The following VPS50 variants were observed in gnomAD, a reference collection of about 807,000 sequenced individuals.
VPS50 encodes the protein syndetin.
In VPS50, 70 loss-of-function variants were observed where a neutral mutation model predicts 139.7. The ratio of observed to expected loss-of-function variants is 0.50; its 90% CI spans 0.41 to 0.61. The LOEUF (loss-of-function observed/expected upper bound fraction) is 0.61. Among genes scored for constraint, VPS50 ranks in the 20% least tolerant of loss-of-function variants. VPS50 has a pLI of 0.00. For missense variants in VPS50, 921 were observed against 1,133.7 expected, an observed-to-expected ratio of 0.81 and a Z score of 2.69; for synonymous variants, 365 against 376.7, an observed-to-expected ratio of 0.97 and a Z score of 0.36.
intron 1 of VPS50, among the ~76,000 whole-genome samples, chr7:93,235,666 G>T (rs1794776749): frequency 6.6e-6 from 1 of 152,194 alleles, no homozygotes; most frequent in South Asian, 2.1e-4. Flanking sequence ...CCTAGCAATT[G>T]GAAGAATGTA....
intron 20 of VPS50, among the ~76,000 whole-genome samples, chr7:93,311,703 A>C (rs914718953): frequency 6.6e-6 from 1 of 152,074 alleles, no homozygotes; most frequent in African/African-American, 2.4e-5. Context: ...AGGGATTTAC[A>C]AGCTAAATGT....
At chr7:93,293,101 T>TA (rs1408018239) in intron 13 of VPS50, among the ~76,000 whole-genome samples, 4 of 152,092 alleles carry the variant, frequency 2.6e-5, no homozygotes, top group Non-Finnish European at 5.9e-5. Flanking sequence ...ACCAAACCCT[T>TA]AGAGTAGTAA....
chr7:93,326,744 A>G (rs1033142014), intron 21 of VPS50, among the ~76,000 whole-genome samples: 4 of 152,036 alleles, frequency 2.6e-5, no homozygotes, highest in African/African-American at 9.7e-5. Context: ...GTGTAAAAAC[A>G]TTCCATTGAG....
chr7:93,326,688 C>CTT (rs1176290375), intron 21 of VPS50, among the ~76,000 whole-genome samples: 1 of 151,828 alleles, frequency 6.6e-6, no homozygotes, highest in African/African-American at 2.4e-5. Flanking sequence ...TAATTTGATA[C>CTT]TTTAAAATTA....
chr7:93,344,566 A>G (rs1562897673), intron 23 of VPS50, among the ~76,000 whole-genome samples: 1 of 152,188 alleles, frequency 6.6e-6, no homozygotes, highest in Non-Finnish European at 1.5e-5. Flanking sequence ...TCCAAAATTG[A>G]CCACATACTT....
intron 20 of VPS50, among the ~76,000 whole-genome samples, chr7:93,322,531 C>T (rs184870068): frequency 0.018 from 2,446 of 135,530 alleles, 81 homozygotes; most frequent in African/African-American, 0.065. Flanking sequence ...ACCTGGGAGG[C>T]GGAGCTTGCA....
chr7:93,319,179 A>G (rs1797525702), intron 20 of VPS50, among the ~76,000 whole-genome samples: 1 of 152,222 alleles, frequency 6.6e-6, no homozygotes, highest in African/African-American at 2.4e-5. Context: ...TGAATATATA[A>G]TCAGATATAG....
At chr7:93,325,822 A>T (rs1024828403) in intron 21 of VPS50, among the ~76,000 whole-genome samples, 1 of 151,198 alleles carries the variant, frequency 6.6e-6, no homozygotes, top group Non-Finnish European at 1.5e-5. Flanking sequence ...GATGTGGAGA[A>T]ATAGGAACAC....
chr7:93,246,119 T>C, intron 2 of VPS50: 1 of 1,520,684 alleles, frequency 6.6e-7, no homozygotes, highest in Non-Finnish European at 8.8e-7. Context: ...CCTAACGTGA[T>C]GTTAACTTTG....
chr7:93,308,722 A>G (rs1295077522), intron 18 of VPS50, 102 bp from the exon 19 acceptor site: 1 of 507,646 alleles, frequency 2.0e-6, no homozygotes, highest in African/African-American at 2.0e-5. Flanking sequence ...ATTTTCTTGT[A>G]TTTAGCTGTT....
chr7:93,264,758 G>A (rs751391974), intron 9 of VPS50, among the ~76,000 whole-genome samples: 76 of 152,112 alleles, frequency 5.0e-4, no homozygotes, highest in Non-Finnish European at 9.1e-4. Context: ...TTTCTTTATA[G>A]CAAGGTGTGC....
intron 9 of VPS50, among the ~76,000 whole-genome samples, chr7:93,266,789 G>A (rs1051384655): frequency 6.6e-6 from 1 of 152,044 alleles, no homozygotes. Context: ...CTAAATGATG[G>A]CTAAGAGCTT....
chr7:93,252,867 A>AT (rs1202760716), intron 3 of VPS50, 92 bp downstream of exon 3: 13 of 978,322 alleles, frequency 1.3e-5, no homozygotes, highest in Non-Finnish European at 2.0e-5. Context: ...GCATTTATGT[A>AT]TTTTTGGTAC....
At chr7:93,292,918 C>G (rs1057245979) in intron 13 of VPS50, among the ~76,000 whole-genome samples, 9 of 152,148 alleles carry the variant, frequency 5.9e-5, no homozygotes, top group African/African-American at 1.9e-4. Flanking sequence ...TTACCCAAAA[C>G]TTATACTTTT....
At position 93,334,165 on chromosome 7, in the gene VPS50, CTA is replaced by C; in HGVS notation, c.2027_2028del (p.Leu676GlnfsTer9). 6.3e-7 allele frequency: 1 copy of C among 1,594,902 alleles called. No individual in the cohort carries two copies. The highest frequency in any genetic ancestry group is 8.6e-7 in the Non-Finnish European group (1 of 1,166,788). ...GLSSSRLRTT[L>X]NRIQESLIDL... ...TAGTAGTAGTAGACTAAGAACAACT[CTA>C]AACAGAATACAAGAAAGCCTTATTG... On this transcript the variant is annotated frameshift_variant, in exon 22 of 28. Transcript: ENST00000305866. LOFTEE classifies it high-confidence loss of function.
intron 6 of VPS50, 40 bp downstream of exon 6, chr7:93,257,504 A>G (rs770734669): frequency 1.8e-5 from 19 of 1,063,628 alleles, no homozygotes; most frequent in Admixed American, 4.2e-5. Context: ...AAGCTGAACA[A>G]TATTTCAAGA....
At chr7:93,253,228 ATGC>A (rs1293821636) in intron 3 of VPS50, among the ~76,000 whole-genome samples, 1 of 152,222 alleles carries the variant, frequency 6.6e-6, no homozygotes, top group Non-Finnish European at 1.5e-5. Flanking sequence ...ATACAACCAA[ATGC>A]TGTATGCATA....
At chr7:93,242,841 A>G (rs1795035920) in intron 2 of VPS50, among the ~76,000 whole-genome samples, 1 of 151,930 alleles carries the variant, frequency 6.6e-6, no homozygotes, top group South Asian at 2.1e-4. Flanking sequence ...AGTATAAAGG[A>G]TAAGTAGGAG....
chr7:93,301,821 A>G (rs922874461), intron 16 of VPS50, among the ~76,000 whole-genome samples: 1 of 152,208 alleles, frequency 6.6e-6, no homozygotes, highest in Non-Finnish European at 1.5e-5. Context: ...TCTGTTTAAC[A>G]TTTTGAAGGA....
Sources: gnomAD v4.1 joint callset for allele counts (sites outside exome capture counted in the v4.1 genomes callset) on GRCh38, gnomAD v4.1.1 for gene constraint, MANE v1.5 for transcripts, NCBI Gene and HGNC (gene_info 2026-07-23, HGNC 2026-07-21) for gene names.